The following MYO1D variants were observed in gnomAD, a reference collection of about 807,000 sequenced individuals.
MYO1D encodes unconventional myosin-Id.
In MYO1D, 83 loss-of-function variants were observed where a neutral mutation model predicts 122.0. The observed-to-expected ratio is 0.68, with a 90% CI of 0.57 to 0.82. The LOEUF is 0.82. Among genes scored for constraint, MYO1D ranks in the 40% least tolerant of loss-of-function variants. MYO1D has a pLI of 0.00. For synonymous variants in MYO1D, 464 were observed against 446.9 expected (o/e 1.04, Z -0.48); for missense variants, 1,157 against 1,269.5 (o/e 0.91, Z 1.35).
chr17:32,638,661 T>G, intron 20 of MYO1D, 61 bp downstream of exon 20: 1 of 1,136,174 alleles, frequency 8.8e-7, no homozygotes, highest in Non-Finnish European at 1.3e-6. Flanking sequence ...TATTGACCCA[T>G]TAGTGGTCCA....
At chr17:32,820,754 A>C (rs2090654195) in intron 1 of MYO1D, among the ~76,000 whole-genome samples, 1 of 152,234 alleles carries the variant, frequency 6.6e-6, no homozygotes, top group Admixed American at 6.5e-5. Flanking sequence ...TAACTATATA[A>C]GGTGATGACT....
intron 15 of MYO1D, among the ~76,000 whole-genome samples, chr17:32,712,783 G>T (rs576999069): frequency 3.6e-4 from 55 of 152,236 alleles, no homozygotes; most frequent in African/African-American, 1.3e-3. Flanking sequence ...TTGTCATGTG[G>T]GCCTCTCATT....
chr17:32,823,158 A>G (rs1053431906), intron 1 of MYO1D, among the ~76,000 whole-genome samples: 1 of 152,092 alleles, frequency 6.6e-6, no homozygotes, highest in Non-Finnish European at 1.5e-5. Context: ...CTTCCTCAGT[A>G]TAGGCACCCC....
At chr17:32,665,226 CTCT>C (rs1660471040) in intron 16 of MYO1D, among the ~76,000 whole-genome samples, 1 of 151,868 alleles carries the variant, frequency 6.6e-6, no homozygotes, top group Non-Finnish European at 1.5e-5. Flanking sequence ...CCGCCCAGCA[CTCT>C]TAATTCTCCT....
intron 16 of MYO1D, among the ~76,000 whole-genome samples, chr17:32,682,357 T>C (rs1001120660): frequency 1.3e-5 from 2 of 150,076 alleles, no homozygotes; most frequent in Non-Finnish European, 1.5e-5. Flanking sequence ...CGATGGTCTT[T>C]ACATTTTGGC....
intron 16 of MYO1D, among the ~76,000 whole-genome samples, chr17:32,674,483 G>A (rs562191563): frequency 2.7e-4 from 41 of 152,198 alleles, no homozygotes; most frequent in African/African-American, 9.4e-4. Context: ...TTACTGGTAT[G>A]TGCCATGCCT....
chr17:32,844,342 ATAT>A (rs1051404042), intron 1 of MYO1D, among the ~76,000 whole-genome samples: 12 of 146,514 alleles, frequency 8.2e-5, no homozygotes, highest in African/African-American at 2.5e-4. Context: ...GTATATGTAT[ATAT>A]TATATGTGTA....
intron 21 of MYO1D, among the ~76,000 whole-genome samples, chr17:32,524,271 A>T (rs1205379019): frequency 2.6e-5 from 4 of 152,246 alleles, no homozygotes; most frequent in African/African-American, 9.6e-5. Context: ...TTCCGACGTC[A>T]ACTCACTCTT....
chr17:32,768,990 C>G (rs1437977874), intron 6 of MYO1D, among the ~76,000 whole-genome samples: 1 of 152,216 alleles, frequency 6.6e-6, no homozygotes, highest in African/African-American at 2.4e-5. Flanking sequence ...GTTTACTCCT[C>G]TCTAAGTGTG....
chr17:32,738,965 T>C (rs191993786), intron 13 of MYO1D, among the ~76,000 whole-genome samples: 4 of 152,320 alleles, frequency 2.6e-5, no homozygotes, highest in Admixed American at 1.3e-4. Flanking sequence ...GTAGGTAGCA[T>C]TGGCAGTTAC....
At chr17:32,733,274 C>T (rs146970921) in intron 14 of MYO1D, among the ~76,000 whole-genome samples, 19 of 152,334 alleles carry the variant, frequency 1.2e-4, no homozygotes, top group South Asian at 1.2e-3. Flanking sequence ...CCCAAGGATT[C>T]TGTGACAGTA....
At chr17:32,628,497 G>A (rs759267464) in intron 20 of MYO1D, among the ~76,000 whole-genome samples, 5 of 152,078 alleles carry the variant, frequency 3.3e-5, no homozygotes, top group African/African-American at 4.8e-5. Context: ...AATAATTCTC[G>A]CTAATGGAAG....
chr17:32,548,264 CA>C (rs1288778361), intron 21 of MYO1D, among the ~76,000 whole-genome samples: 1 of 151,294 alleles, frequency 6.6e-6, no homozygotes, highest in East Asian at 2.0e-4. Context: ...TTTGTCTCTA[CA>C]AAAAATACAA....
chr17:32,605,295 T>C, intron 20 of MYO1D, 54 bp from the exon 21 acceptor site: 1 of 1,477,260 alleles, frequency 6.8e-7, no homozygotes, highest in Non-Finnish European at 9.2e-7. Context: ...AAAGAATGAA[T>C]TAAAAAATAC....
chr17:32,534,365 G>C (rs866289648), intron 21 of MYO1D, among the ~76,000 whole-genome samples: 1 of 152,006 alleles, frequency 6.6e-6, no homozygotes, highest in South Asian at 2.1e-4. Context: ...TAGAGATAAG[G>C]TCTTGCTATG....
At chr17:32,648,144 G>GCA (rs1288281062) in intron 19 of MYO1D, among the ~76,000 whole-genome samples, 3 of 152,102 alleles carry the variant, frequency 2.0e-5, no homozygotes, top group African/African-American at 7.2e-5. Flanking sequence ...AACCCAGGAG[G>GCA]CAGAGGTTGC....
intron 16 of MYO1D, among the ~76,000 whole-genome samples, chr17:32,683,503 C>T (rs867168463): frequency 3.3e-5 from 5 of 151,868 alleles, no homozygotes; most frequent in African/African-American, 1.2e-4. Flanking sequence ...GTTGGAATAC[C>T]CTGCCGTGTG....
intron 19 of MYO1D, among the ~76,000 whole-genome samples, chr17:32,652,228 T>C (rs1453311926): frequency 6.6e-6 from 1 of 152,220 alleles, no homozygotes; most frequent in Non-Finnish European, 1.5e-5. Flanking sequence ...AATGACTATA[T>C]CTTATACTCC....
intron 20 of MYO1D, among the ~76,000 whole-genome samples, chr17:32,623,204 C>T (rs1404335920): frequency 6.6e-6 from 1 of 152,122 alleles, no homozygotes; most frequent in East Asian, 1.9e-4. Context: ...AACCATGGCA[C>T]ACTGTAAAGA....
Sources: allele counts gnomAD v4.1 joint callset (sites outside exome capture counted in the v4.1 genomes callset), GRCh38; gene constraint gnomAD v4.1.1; transcripts MANE v1.5; gene names NCBI Gene and HGNC (gene_info 2026-07-23, HGNC 2026-07-21).